ARNT2: variants seen among roughly 807,000 people sequenced by gnomAD.
ARNT2 encodes ARNT protein 2.
Under a neutral mutation model 91.7 loss-of-function variants are expected in ARNT2, and 36 were observed. That is an observed-to-expected ratio of 0.39 (90% confidence interval 0.30 to 0.52). ARNT2 has a LOEUF of 0.52. Ranked by LOEUF, ARNT2 falls within the 20% of genes least tolerant of loss-of-function variation. The probability of loss-of-function intolerance (pLI) is 0.72; values close to 1 mark genes in which losing one functional copy is unlikely to be tolerated. For synonymous variants in ARNT2, 365 were observed against 347.1 expected (o/e 1.05, Z -0.57); for missense variants, 775 against 939.3 (o/e 0.83, Z 2.29).
At chr15:80,502,655 C>T (rs948552348) in intron 5 of ARNT2, among the ~76,000 whole-genome samples, 4 of 152,170 alleles carry the variant, frequency 2.6e-5, no homozygotes, top group Non-Finnish European at 4.4e-5. Context: ...TGAGCCTTCT[C>T]TCCAGAGGGC....
At chr15:80,425,457 A>G (rs1035405732) in intron 1 of ARNT2, among the ~76,000 whole-genome samples, 4 of 152,250 alleles carry the variant, frequency 2.6e-5, no homozygotes, top group African/African-American at 9.6e-5. Context: ...ACCTAAATCA[A>G]TAAAAATATT....
chr15:80,570,138 AC>A (rs997706447), intron 12 of ARNT2, among the ~76,000 whole-genome samples: 1 of 152,254 alleles, frequency 6.6e-6, no homozygotes, highest in African/African-American at 2.4e-5. Context: ...CGCAAGGCCA[AC>A]AGCCAGACAG....
intron 2 of ARNT2, among the ~76,000 whole-genome samples, chr15:80,453,790 G>A (rs1896440614): frequency 6.6e-6 from 1 of 152,170 alleles, no homozygotes; most frequent in Admixed American, 6.5e-5. Flanking sequence ...AGAGAGAGGG[G>A]AAAGAAGAGA....
At chr15:80,593,485 G>C (rs749662774) in intron 18 of ARNT2, 115 bp from the exon 19 acceptor site, 16 of 781,664 alleles carry the variant, frequency 2.0e-5, no homozygotes, top group African/African-American at 3.5e-5. Flanking sequence ...GGACCTCTGG[G>C]CTGCCCCTTT....
intron 1 of ARNT2, among the ~76,000 whole-genome samples, chr15:80,407,597 G>A (rs779324581): frequency 2.0e-5 from 3 of 152,064 alleles, no homozygotes; most frequent in Non-Finnish European, 2.9e-5. Context: ...CAGTCCTTAC[G>A]TTGGTCACTG....
At chr15:80,543,107 A>G (rs992194785) in intron 8 of ARNT2, among the ~76,000 whole-genome samples, 1 of 149,280 alleles carries the variant, frequency 6.7e-6, no homozygotes, top group Non-Finnish European at 1.5e-5. Context: ...AAAAAAAAAA[A>G]AAAAAAAAAA....
chr15:80,588,235 T>G (rs887161644), intron 17 of ARNT2, among the ~76,000 whole-genome samples: 1 of 152,158 alleles, frequency 6.6e-6, no homozygotes, highest in Non-Finnish European at 1.5e-5. Flanking sequence ...CAGTCAGTAA[T>G]CAATCAACAA....
chr15:80,554,977 G>T, intron 10 of ARNT2, 88 bp from the exon 11 acceptor site: 2 of 1,398,158 alleles, frequency 1.4e-6, no homozygotes, highest in Non-Finnish European at 2.0e-6. Context: ...AGTTAAAGGA[G>T]ATGGAAATGA....
intron 13 of ARNT2, 148 bp downstream of exon 13, chr15:80,574,368 T>TG (rs1350460033): frequency 1.4e-6 from 1 of 734,334 alleles, no homozygotes. Flanking sequence ...ACAGGTCCCC[T>TG]GGGGGTCTGC....
chr15:80,561,491 C>T (rs943259778), intron 11 of ARNT2, among the ~76,000 whole-genome samples: 6 of 152,176 alleles, frequency 3.9e-5, no homozygotes, highest in African/African-American at 9.7e-5. Context: ...TGCGTATTTC[C>T]GTGTCTGGTT....
chr15:80,457,917 T>A lies in ARNT2; in HGVS notation c.147-12T>A, dbSNP rs762294479. On this transcript the variant is annotated splice_polypyrimidine_tract_variant and intron_variant, in intron 2 of 18. Coordinates refer to ENST00000303329, the MANE Select transcript of ARNT2 (RefSeq NM_014862.4). Reference sequence around the variant, plus strand: ...TAATAATCAGTGCTCACTTGTGATCTTGACTTTTCAGAATGGACTTCGATG... The same window carrying A: ...TAATAATCAGTGCTCACTTGTGATCATGACTTTTCAGAATGGACTTCGATG... 9 of 1,613,936 alleles carry A rather than the reference T, an allele frequency of 5.6e-6. No individual in the cohort carries two copies. The highest frequency in any genetic ancestry group is 4.2e-6 in the Non-Finnish European group (5 of 1,179,956).
chr15:80,574,449 T>G (rs1310733556), intron 13 of ARNT2, among the ~76,000 whole-genome samples: 2 of 152,176 alleles, frequency 1.3e-5, no homozygotes, highest in Non-Finnish European at 2.9e-5. Context: ...CCAGGGGCCA[T>G]AGTCAACCTA....
chr15:80,430,749 A>G (rs1895996018), intron 1 of ARNT2, among the ~76,000 whole-genome samples: 1 of 152,170 alleles, frequency 6.6e-6, no homozygotes, highest in African/African-American at 2.4e-5. Flanking sequence ...GAACTGGGAA[A>G]TGTGGGAATG....
At chr15:80,466,693 G>A (rs764240115) in intron 3 of ARNT2, among the ~76,000 whole-genome samples, 11 of 152,222 alleles carry the variant, frequency 7.2e-5, no homozygotes, top group African/African-American at 1.7e-4. Context: ...GAATGAAACC[G>A]TACATACATA....
chr15:80,597,491 T>G lies in ARNT2; in HGVS notation c.*3793T>G, dbSNP rs1171756799. ...TGGACATTCACCTTTTCTTTGACCA[T>G]CTGGAGTCTGGGGCAACTTAAGGAG... On this transcript the variant is annotated 3_prime_UTR_variant, in exon 19 of 19. Transcript: ENST00000303329. 1 of 323,120 alleles carries G rather than the reference T, an allele frequency of 3.1e-6. No homozygotes were observed. Among genetic ancestry groups the G allele is most frequent in the Non-Finnish European group, 6.2e-6 (1 of 162,072 alleles). 20.0% of individuals were successfully genotyped at this position (323,120 alleles called of 1,614,324 possible).
intron 5 of ARNT2, among the ~76,000 whole-genome samples, chr15:80,479,083 G>T (rs1242510745): frequency 2.0e-5 from 3 of 152,188 alleles, no homozygotes; most frequent in Non-Finnish European, 4.4e-5. Flanking sequence ...GCCTCTCTCA[G>T]TGGTGATTCA....
intron 8 of ARNT2, among the ~76,000 whole-genome samples, chr15:80,544,964 T>C (rs1409950502): frequency 2.0e-5 from 3 of 152,120 alleles, no homozygotes; most frequent in Non-Finnish European, 2.9e-5. Context: ...TAGACTGAGT[T>C]GTCTGGGGCT....
intron 5 of ARNT2, among the ~76,000 whole-genome samples, chr15:80,492,754 C>T (rs920088033): frequency 6.6e-6 from 1 of 152,020 alleles, no homozygotes; most frequent in Non-Finnish European, 1.5e-5. Context: ...TCTTTTAATT[C>T]ATTGATTCAG....
At chr15:80,576,996 G>A (rs745654668) in intron 15 of ARNT2, 31 bp downstream of exon 15, 1 of 1,604,290 alleles carries the variant, frequency 6.2e-7, no homozygotes, top group Non-Finnish European at 8.5e-7. Context: ...CAATGGCGTG[G>A]GAAGATGCTC....
Sources: allele counts gnomAD v4.1 joint callset (sites outside exome capture counted in the v4.1 genomes callset), GRCh38; gene constraint gnomAD v4.1.1; transcripts MANE v1.5; gene names NCBI Gene and HGNC (gene_info 2026-07-23, HGNC 2026-07-21).